The following TIMM21 variants were observed in gnomAD, a reference collection of about 807,000 sequenced individuals.
TIMM21 encodes the protein mitochondrial import inner membrane translocase subunit Tim21.
A neutral mutation model predicts 27.7 loss-of-function variants in TIMM21; 30 were observed. That is an observed-to-expected ratio of 1.08 (90% CI 0.81 to 1.47). TIMM21 has a LOEUF of 1.47. Among genes scored for constraint, TIMM21 ranks in the 40% most tolerant of loss-of-function variants. The pLI is 0.00. For synonymous variants in TIMM21, 121 were observed against 114.4 expected (o/e 1.06, Z -0.37); for missense variants, 292 against 302.9 (o/e 0.96, Z 0.27).
At chr18:74,154,531 G>T (rs1034244609) in intron 1 of TIMM21, among the ~76,000 whole-genome samples, 1 of 150,716 alleles carries the variant, frequency 6.6e-6, no homozygotes, top group Non-Finnish European at 1.5e-5. Flanking sequence ...AAAGTGCTGG[G>T]ATTACAGGCA....
intron 3 of TIMM21, chr18:74,156,365 T>A (rs957720915): frequency 2.6e-6 from 1 of 387,806 alleles, no homozygotes; most frequent in Non-Finnish European, 4.4e-6. Context: ...GGGCCCCGGC[T>A]CTGAATGTTC....
At chr18:74,155,268 C>A in intron 2 of TIMM21, 38 bp from the exon 3 acceptor site, 3 of 1,612,126 alleles carry the variant, frequency 1.9e-6, no homozygotes, top group Non-Finnish European at 2.5e-6. Context: ...TTTTATGTTG[C>A]CCTTGCTTCG....
At chr18:74,155,911 G>T (rs904566453) in intron 3 of TIMM21, among the ~76,000 whole-genome samples, 1 of 152,112 alleles carries the variant, frequency 6.6e-6, no homozygotes, top group South Asian at 2.1e-4. Context: ...CACTGAGCTA[G>T]TAAGTGGGGG....
chr18:74,152,581 G>A lies in TIMM21; in HGVS notation c.302-2564G>A, dbSNP rs1422076930. Among the ~76,000 whole-genome samples, 1 of 152,170 alleles carries A rather than the reference G, an allele frequency of 6.6e-6. No homozygotes were observed. Among genetic ancestry groups the A allele is most frequent in the Non-Finnish European group, 1.5e-5 (1 of 68,034 alleles). Reference sequence around the variant, plus strand: ...TCCCAGGTCCCCATTGGTGAGAGCTGCATCAGCTGCACTACAGCTCTATGA... The same window carrying A: ...TCCCAGGTCCCCATTGGTGAGAGCTACATCAGCTGCACTACAGCTCTATGA... On this transcript the variant is annotated intron_variant, in intron 1 of 5. Transcript: ENST00000169551. The surrounding 1 kb of genome is among the most constrained non-coding windows in gnomAD (Gnocchi z 4.1).
intron 3 of TIMM21, among the ~76,000 whole-genome samples, chr18:74,155,762 G>T (rs76131446): frequency 6.6e-6 from 1 of 152,124 alleles, no homozygotes; most frequent in Admixed American, 6.5e-5. Flanking sequence ...AAATGTGTCC[G>T]TGCAAGCACT....
chr18:74,151,568 T>G (rs192237713), intron 1 of TIMM21, among the ~76,000 whole-genome samples: 1 of 152,300 alleles, frequency 6.6e-6, no homozygotes, highest in East Asian at 1.9e-4. Context: ...GGCATCCTGC[T>G]CTATAAAGAT....
chr18:74,148,731 G>C lies in TIMM21; in HGVS notation c.-78G>C. ...AACGTATAGGCTTGAGTACGTGTCC[G>C]GCCGCATGTGTAGTGAACCCTAAAG... On this transcript the variant is annotated 5_prime_UTR_variant, in exon 1 of 6. Transcript: ENST00000169551. 1 of 1,422,682 alleles carries C rather than the reference G, an allele frequency of 7.0e-7. No homozygotes were observed. The highest frequency in any genetic ancestry group is 2.3e-5 in the East Asian group (1 of 43,400). 88.1% of individuals were successfully genotyped at this position (1,422,682 alleles called of 1,614,324 possible). A position where few individuals can be genotyped will look rare whatever the true frequency, so the allele number is the denominator to read the frequency against.
At position 74,151,944 on chromosome 18, in the gene TIMM21, C is replaced by G. The variant is rs74632095; in HGVS notation, c.301+2835C>G. Among the ~76,000 whole-genome samples the G allele has an allele frequency of 1.4e-3, 197 of 144,688 alleles. 4 individuals are homozygous for G. Among genetic ancestry groups the G allele is most frequent in the Non-Finnish European group, 2.1e-3 (139 of 67,142 alleles). The allele number at this position is 144,688 out of a possible 152,430, so 94.9% of individuals were successfully genotyped here. Reference sequence around the variant, plus strand: ...AAGCAGTGGTGTCTATGTTCCCCCCCCCCCCGGGGGGACCTCCAGCTCCTT... The same window carrying G: ...AAGCAGTGGTGTCTATGTTCCCCCCGCCCCCGGGGGGACCTCCAGCTCCTT... On this transcript the variant is annotated intron_variant, in intron 1 of 5. Transcript: ENST00000169551.
chr18:74,153,210 C>A (rs1449751138), intron 1 of TIMM21, among the ~76,000 whole-genome samples: 1 of 152,174 alleles, frequency 6.6e-6, no homozygotes, highest in Non-Finnish European at 1.5e-5. Context: ...CCATTGGAGA[C>A]AGCTATAAAG....
intron 1 of TIMM21, among the ~76,000 whole-genome samples, chr18:74,153,493 A>C (rs1299612820): frequency 6.6e-6 from 1 of 152,216 alleles, no homozygotes; most frequent in Non-Finnish European, 1.5e-5. Flanking sequence ...TTGATACATA[A>C]CTGGCAGGTA....
chr18:74,158,517 C>G lies in TIMM21; in HGVS notation c.*37C>G. 1 of 1,289,334 alleles carries G rather than the reference C, an allele frequency of 7.8e-7. No individual in the cohort carries two copies. The highest frequency in any genetic ancestry group is 1.1e-6 in the Non-Finnish European group (1 of 898,982). The allele number at this position is 1,289,334 out of a possible 1,614,324, so 79.9% of individuals were successfully genotyped here. A position where few individuals can be genotyped will look rare whatever the true frequency, so the allele number is the denominator to read the frequency against. On this transcript the variant is annotated 3_prime_UTR_variant, in exon 6 of 6. Transcript: ENST00000169551. ...TGATGGATGTTGAATGGCGTGGACT[C>G]GCTACTCCGTTCTTCACAGCTGCCT...
At position 74,158,499 on chromosome 18, in the gene TIMM21, T is replaced by G; in HGVS notation, c.*19T>G. ...TGATTAAAATAGGGTTTCTGATGGA[T>G]GTTGAATGGCGTGGACTCGCTACTC... On this transcript the variant is annotated 3_prime_UTR_variant, in exon 6 of 6. Coordinates refer to ENST00000169551, the MANE Select transcript of TIMM21 (RefSeq NM_014177.3). The G allele has an allele frequency of 6.7e-7, 1 of 1,495,052 alleles. No homozygotes were observed. Among genetic ancestry groups the G allele is most frequent in the Non-Finnish European group, 9.3e-7 (1 of 1,077,294 alleles). The allele number at this position is 1,495,052 out of a possible 1,614,324, so 92.6% of individuals were successfully genotyped here. A position where few individuals can be genotyped will look rare whatever the true frequency, so the allele number is the denominator to read the frequency against.
At position 74,158,365 on chromosome 18, in the gene TIMM21, A is replaced by AT. The variant is rs1016347130; in HGVS notation, c.643-4dup. The AT allele has an allele frequency of 1.6e-5, 26 of 1,606,264 alleles. No homozygotes were observed. The highest frequency in any genetic ancestry group is 2.1e-5 in the Non-Finnish European group (25 of 1,175,140). On this transcript the variant is annotated splice_polypyrimidine_tract_variant and intron_variant, in intron 5 of 5. Transcript: ENST00000169551. ...GGAAAATAATACCTGGAAACACTAC[A>AT]TTTTTTTCAGAACCCAGGAAGTGGT...
chr18:74,154,574 T>G (rs951090486), intron 1 of TIMM21, among the ~76,000 whole-genome samples: 1 of 151,940 alleles, frequency 6.6e-6, no homozygotes, highest in African/African-American at 2.4e-5. Context: ...TGACACTGTC[T>G]TGATTGAGTT....
At chr18:74,157,821 T>G (rs1268082129) in intron 3 of TIMM21, 193 bp from the exon 4 acceptor site, 3 of 606,418 alleles carry the variant, frequency 4.9e-6, no homozygotes, top group East Asian at 5.6e-5. Context: ...AGTCTTGAAC[T>G]CCTGACCTTG....
At chr18:74,154,758 G>A (rs1979904493) in intron 1 of TIMM21, among the ~76,000 whole-genome samples, 1 of 152,140 alleles carries the variant, frequency 6.6e-6, no homozygotes, top group South Asian at 2.1e-4. Flanking sequence ...AGTCAGTGTG[G>A]GGTGGGACTG....
Position 74,148,935 on chromosome 18 carries a change from T to C in TIMM21, c.127T>C (p.Cys43Arg), listed in dbSNP as rs1164953141. The C allele has an allele frequency of 6.2e-7, 1 of 1,614,062 alleles. No homozygotes were observed. The highest frequency in any genetic ancestry group is 1.3e-5 in the African/African-American group (1 of 74,910). The change falls in exon 1 of 6, where the codon TGT becomes CGT. Residue 43 changes from cysteine (C) to arginine (R), a missense_variant. Physicochemically the swap from Cys to Arg is radical, Grantham distance 180. Coordinates refer to ENST00000169551, the MANE Select transcript of TIMM21 (RefSeq NM_014177.3). ...CTTGAAGACTGAGCCCAGTTTGAGA[T>C]GTGGGCTTCAATATCAAAAGAAAAC... is the stretch of plus-strand genomic sequence containing the variant. ...ACLKTEPSLR[C>R]GLQYQKKTLR...
In TIMM21 at chr18:74,152,249, C is replaced by T. The variant is rs1017696943; in HGVS notation, c.302-2896C>T. Among the ~76,000 whole-genome samples, 5 of 152,094 alleles carry T rather than the reference C, an allele frequency of 3.3e-5. No individual in the cohort carries two copies. Among genetic ancestry groups the T allele is most frequent in the African/African-American group, 1.2e-4 (5 of 41,410 alleles). On this transcript the variant is annotated intron_variant, in intron 1 of 5. Coordinates refer to ENST00000169551, the MANE Select transcript of TIMM21 (RefSeq NM_014177.3). The surrounding 1 kb of genome is among the most constrained non-coding windows in gnomAD (Gnocchi z 4.1). ...CTTTAGGTTGCCTTTCCTCCCAAAT[C>T]AGGACCCTGACCTTGGTGTGGGAGG... is the stretch of plus-strand genomic sequence containing the variant.
intron 1 of TIMM21, among the ~76,000 whole-genome samples, chr18:74,150,828 C>T (rs1378479372): frequency 1.3e-5 from 2 of 152,162 alleles, no homozygotes; most frequent in African/African-American, 4.8e-5. Context: ...TATCTAAGGT[C>T]TCTAAGAATA....
Sources: allele counts gnomAD v4.1 joint callset (sites outside exome capture counted in the v4.1 genomes callset), GRCh38; gene constraint gnomAD v4.1.1; non-coding constraint Gnocchi (gnomAD v3.1); transcripts MANE v1.5; gene names NCBI Gene and HGNC (gene_info 2026-07-23, HGNC 2026-07-21).